The following BIRC6 variants were observed in gnomAD, a reference collection of about 807,000 sequenced individuals.
BIRC6 encodes the protein baculoviral IAP repeat containing 6.
A neutral mutation model predicts 503.3 loss-of-function variants in BIRC6; 98 were observed. The observed-to-expected ratio is 0.19, with a 90% CI of 0.17 to 0.23. The LOEUF (loss-of-function observed/expected upper bound fraction) is 0.23. Among genes scored for constraint, BIRC6 ranks in the 10% least tolerant of loss-of-function variants. The pLI, the probability that BIRC6 is intolerant of heterozygous loss-of-function variation, is 1.00. For missense variants in BIRC6, 5,360 were observed against 5,806.0 expected (o/e 0.92, Z 2.50); for synonymous variants, 2,240 against 2,078.7 (o/e 1.08, Z -2.11).
At chr2:32,385,640 T>G (rs1274504622) in intron 3 of BIRC6, among the ~76,000 whole-genome samples, 2 of 152,208 alleles carry the variant, frequency 1.3e-5, no homozygotes, top group Non-Finnish European at 2.9e-5. Context: ...AGCATCATTA[T>G]TTGCTGTGGA....
At chr2:32,391,493 A>G (rs1389728951) in intron 4 of BIRC6, among the ~76,000 whole-genome samples, 2 of 152,252 alleles carry the variant, frequency 1.3e-5, no homozygotes, top group African/African-American at 4.8e-5. Flanking sequence ...TAAAAACCTG[A>G]ATACAACTAC....
intron 50 of BIRC6, among the ~76,000 whole-genome samples, chr2:32,507,496 T>C (rs1280335310): frequency 6.6e-6 from 1 of 152,164 alleles, no homozygotes; most frequent in African/African-American, 2.4e-5. Flanking sequence ...TTAAACTCAA[T>C]GTTTAAAAAA....
Position 32,513,143 on chromosome 2 carries a change from A to G in BIRC6, c.10557A>G (p.Gln3519=), listed in dbSNP as rs2054606476. The change falls in exon 54 of 74, where the codon CAA becomes CAG. Residue 3519 remains glutamine, a synonymous_variant. Coordinates refer to ENST00000421745, the MANE Select transcript of BIRC6 (RefSeq NM_016252.4). ...ATGACTTACCAGCACTCCTGGACCA[A>G]GAGCTCTTTGAGTAAGTATGATTTG... ...VEYDLPALLD[Q]ELFELLFNWS... The G allele has an allele frequency of 6.2e-7, 1 of 1,612,968 alleles. No individual in the cohort carries two copies.
intron 65 of BIRC6, among the ~76,000 whole-genome samples, chr2:32,551,950 G>T (rs1404396418): frequency 6.6e-6 from 1 of 152,172 alleles, no homozygotes; most frequent in Non-Finnish European, 1.5e-5. Flanking sequence ...TTCAAGGGAT[G>T]ATTTGCTTAT....
intron 57 of BIRC6, among the ~76,000 whole-genome samples, chr2:32,520,120 AGTAT>A (rs892789454): frequency 6.6e-6 from 1 of 152,232 alleles, no homozygotes; most frequent in African/African-American, 2.4e-5. Context: ...CAAGAATAGG[AGTAT>A]CTAAGAAAAA....
At chr2:32,358,979 G>C (rs972605207) in intron 1 of BIRC6, among the ~76,000 whole-genome samples, 1 of 152,148 alleles carries the variant, frequency 6.6e-6, no homozygotes, top group Non-Finnish European at 1.5e-5. Flanking sequence ...TCATTTAAAA[G>C]TATTTCAAGT....
intron 10 of BIRC6, among the ~76,000 whole-genome samples, chr2:32,427,913 C>G (rs1574133402): frequency 6.6e-6 from 1 of 152,196 alleles, no homozygotes; most frequent in African/African-American, 2.4e-5. Context: ...TGAAAACAAA[C>G]AAACTGTTGA....
chr2:32,550,763 G>A (rs1393463590), intron 65 of BIRC6, among the ~76,000 whole-genome samples: 1 of 152,006 alleles, frequency 6.6e-6, no homozygotes, highest in African/African-American at 2.4e-5. Flanking sequence ...AGGAAATCCA[G>A]GATTATTTAC....
intron 65 of BIRC6, among the ~76,000 whole-genome samples, chr2:32,558,335 A>G (rs1391362026): frequency 1.3e-5 from 2 of 152,174 alleles, no homozygotes; most frequent in African/African-American, 4.8e-5. Flanking sequence ...AACTACACAT[A>G]CTTAGTGTAT....
At chr2:32,553,079 C>G (rs1312797133) in intron 65 of BIRC6, among the ~76,000 whole-genome samples, 4 of 148,610 alleles carry the variant, frequency 2.7e-5, no homozygotes, top group African/African-American at 9.8e-5. Flanking sequence ...TGCCTGTAAT[C>G]CCAGCTACTT....
chr2:32,442,117 A>C lies in BIRC6; in HGVS notation c.3997A>C (p.Asn1333His), dbSNP rs1385969161. 7 of 1,607,956 alleles carry C rather than the reference A, an allele frequency of 4.4e-6. No individual in the cohort carries two copies. The South Asian group carries it at 7.8e-5, about 18-fold the overall frequency. The change falls in exon 18 of 74, where the codon AAT becomes CAT. Residue 1333 changes from asparagine to histidine, a missense_variant. Around this residue, in one of 16 missense-constraint regions of BIRC6, gnomAD observed 2,299 missense variants for 2,267.2 expected, o/e 1.01. Coordinates refer to ENST00000421745, the MANE Select transcript of BIRC6 (RefSeq NM_016252.4). The stretch of plus-strand genomic sequence containing the variant: ...TTCAGAATTTCATGAGAAGCTTCTT[A>C]ATACTCTTTGCAGAAAAACAGATGA... ...QFSEFHEKLL[N>H]TLCRKTDDGQ... is the part of the protein sequence containing the mutation.
In BIRC6 at chr2:32,357,090, C is replaced by G. The variant is rs1374828772; in HGVS notation, c.-72C>G. 7.6e-7 allele frequency: 1 copy of G among 1,309,056 alleles called. No homozygotes were observed. The highest frequency in any genetic ancestry group is 1.0e-6 in the Non-Finnish European group (1 of 999,788). 81.1% of individuals were successfully genotyped at this position (1,309,056 alleles called of 1,614,324 possible). On this transcript the variant is annotated 5_prime_UTR_variant, in exon 1 of 74. It adds an upstream start codon to the 5' untranslated region. Transcript: ENST00000421745. The surrounding 1 kb of genome is among the most constrained non-coding windows in gnomAD (Gnocchi z 4.9). ...AGTTTGGCCCCTCCGGCCGGGCGATCGACGTTCCGCGTGCGTGCGGGCGCC... is the reference window on the plus strand; with the variant it reads ...AGTTTGGCCCCTCCGGCCGGGCGATGGACGTTCCGCGTGCGTGCGGGCGCC...
At chr2:32,478,203 G>C (rs1410834584) in intron 35 of BIRC6, among the ~76,000 whole-genome samples, 2 of 152,056 alleles carry the variant, frequency 1.3e-5, no homozygotes, top group African/African-American at 4.8e-5. Flanking sequence ...TGGGTGTGGT[G>C]GCATGCACCT....
rs936935326 is a variant in BIRC6, at chr2:32,531,231, A to C, written c.12095-124A>C. ...AGCCATAATACAGCTATATCTAAAT[A>C]AATGATGTTTTGTGCTCTTTTTTGA... On this transcript the variant is annotated intron_variant, in intron 60 of 73. Coordinates refer to ENST00000421745, the MANE Select transcript of BIRC6 (RefSeq NM_016252.4). The C allele has an allele frequency of 7.9e-6, 6 of 763,446 alleles. No homozygotes were observed. In the Admixed American group the frequency reaches 1.5e-4, roughly 19 times the overall value. The allele number at this position is 763,446 out of a possible 1,614,324, so 47.3% of individuals were successfully genotyped here.
In BIRC6 at chr2:32,503,057, T is replaced by C; in HGVS notation, c.9320T>C (p.Ile3107Thr). The C allele has an allele frequency of 6.3e-7, 1 of 1,598,914 alleles. No individual in the cohort carries two copies. ...AFHDMGGVQL[I>T]CNNMVTSTRA... ...ATAAATTTAGGTGGTGTTCAGCTCA[T>C]ATGCAATAATATGGTTACTAGTACA... is the stretch of plus-strand genomic sequence containing the variant. Residue 3107 changes from isoleucine (I) to threonine (T), a missense_variant, in exon 49 of 74, where the codon ATA becomes ACA. Around this residue, in one of 16 missense-constraint regions of BIRC6, gnomAD observed 267 missense variants for 287.6 expected, o/e 0.93. Coordinates refer to ENST00000421745, the MANE Select transcript of BIRC6 (RefSeq NM_016252.4).
Position 32,416,179 on chromosome 2 carries a change from A to G in BIRC6, c.2872+16A>G, listed in dbSNP as rs761569098. ...TGCACCAAAGGTAAGTTGTCTGATT[A>G]TGCTATAAATCTTATAAAATCCATG... On this transcript the variant is annotated intron_variant, in intron 10 of 73. Coordinates refer to ENST00000421745, the MANE Select transcript of BIRC6 (RefSeq NM_016252.4). 1 of 1,557,398 alleles carries G rather than the reference A, an allele frequency of 6.4e-7. No individual in the cohort carries two copies.
intron 54 of BIRC6, among the ~76,000 whole-genome samples, 174 bp from the exon 55 acceptor site, chr2:32,514,816 A>G (rs1182141000): frequency 6.6e-6 from 1 of 152,070 alleles, no homozygotes; most frequent in Non-Finnish European, 1.5e-5. Flanking sequence ...TTAAATATAT[A>G]TATGTGTGTC....
At chr2:32,532,199 C>CT (rs768284236) in intron 61 of BIRC6, 5 of 514,010 alleles carry the variant, frequency 9.7e-6, no homozygotes, top group East Asian at 5.7e-5. Flanking sequence ...GCTCTAGACT[C>CT]TATTATAGTT....
chr2:32,515,642 G>T lies in BIRC6; in HGVS notation c.11221G>T (p.Ala3741Ser). The T allele has an allele frequency of 1.2e-6, 2 of 1,612,032 alleles. No homozygotes were observed. Residue 3741 changes from alanine to serine, a missense_variant, in exon 55 of 74, where the codon GCT (alanine) becomes TCT (serine). Ala to Ser is a moderately conservative substitution (Grantham distance 99). This residue lies in a region of BIRC6 where 878 missense variants were observed against 928.9 expected (regional missense o/e 0.95). Transcript: ENST00000421745. ...LGAQQTSARS[A>S]SLSSAATTGL... is the part of the protein sequence containing the mutation. ...TGCACAACAGACCAGTGCAAGATCA[G>T]CTTCTCTTTCTTCAGCTGCTACAAC...
Sources: allele counts gnomAD v4.1 joint callset (sites outside exome capture counted in the v4.1 genomes callset), GRCh38; gene constraint gnomAD v4.1.1; regional missense constraint gnomAD v4.1.1; non-coding constraint Gnocchi (gnomAD v3.1); transcripts MANE v1.5; gene names NCBI Gene and HGNC (gene_info 2026-07-23, HGNC 2026-07-21).